The following PAPPA2 variants were observed in gnomAD, a reference collection of about 807,000 sequenced individuals.
PAPPA2 encodes pappalysin 2.
A neutral mutation model predicts 176.4 loss-of-function variants in PAPPA2; 86 were observed. That is an observed-to-expected ratio of 0.49 (90% CI 0.41 to 0.58). PAPPA2 has a LOEUF of 0.58. Ranked by LOEUF, PAPPA2 falls within the 20% of genes least tolerant of loss-of-function variation. The pLI is 0.00. For synonymous variants in PAPPA2, 809 were observed against 852.2 expected (o/e 0.95, Z 0.88); for missense variants, 2,073 against 2,256.9 (o/e 0.92, Z 1.65).
rs1657612187 is a variant in PAPPA2 at position 176,649,786 on chromosome 1, G to A, written c.1992-21184G>A. ...GATACTTGACATGATTTTGAGTTTT[G>A]AAATTTTTTTGATACTTGTTTCATG... is the stretch of plus-strand genomic sequence containing the variant. On this transcript the variant is annotated intron_variant, in intron 3 of 22. Coordinates refer to ENST00000367662, the MANE Select transcript of PAPPA2 (RefSeq NM_020318.3). Among the ~76,000 whole-genome samples, 3 of 151,486 alleles carry A rather than the reference G, an allele frequency of 2.0e-5. No homozygotes were observed. The South Asian group carries it at 6.2e-4, about 32-fold the overall frequency.
intron 1 of PAPPA2, among the ~76,000 whole-genome samples, chr1:176,472,059 T>C (rs1011818170): frequency 2.0e-5 from 3 of 152,232 alleles, no homozygotes; most frequent in African/African-American, 7.2e-5. Flanking sequence ...ATTAATTTAT[T>C]GTGGGCTGCA....
At chr1:176,750,885 A>T (rs1558560885) in intron 14 of PAPPA2, among the ~76,000 whole-genome samples, 1 of 152,178 alleles carries the variant, frequency 6.6e-6, no homozygotes, top group Non-Finnish European at 1.5e-5. Context: ...AAATCCTTGA[A>T]CTGAGAATTT....
intron 21 of PAPPA2, among the ~76,000 whole-genome samples, chr1:176,803,071 A>G (rs1665750206): frequency 6.6e-6 from 1 of 152,140 alleles, no homozygotes; most frequent in African/African-American, 2.4e-5. Context: ...GGCCTTTGAG[A>G]CCTGAATACT....
intron 1 of PAPPA2, among the ~76,000 whole-genome samples, chr1:176,476,954 A>C (rs1652156538): frequency 6.6e-6 from 1 of 152,162 alleles, no homozygotes; most frequent in Non-Finnish European, 1.5e-5. Context: ...TTGGTGAGAC[A>C]CCGGGACCTC....
At chr1:176,643,689 A>G (rs1385987214) in intron 3 of PAPPA2, among the ~76,000 whole-genome samples, 1 of 151,884 alleles carries the variant, frequency 6.6e-6, no homozygotes, top group African/African-American at 2.4e-5. Flanking sequence ...GCTGGAATAG[A>G]ATATCCATGG....
intron 1 of PAPPA2, among the ~76,000 whole-genome samples, chr1:176,478,207 G>A (rs1652228796): frequency 6.6e-6 from 1 of 152,206 alleles, no homozygotes; most frequent in Non-Finnish European, 1.5e-5. Context: ...AGACATTGAG[G>A]AATCTTTGTT....
At position 176,842,319 on chromosome 1, in the gene PAPPA2, G is replaced by A. The variant is rs76137033; in HGVS notation, c.5302-61G>A. ...GACCAAGTGAGGAAAGTGAAAGCTC[G>A]TTTAAAAGTGTGAAGCTATCACAGA... On this transcript the variant is annotated intron_variant, in intron 22 of 22. Coordinates refer to ENST00000367662, the MANE Select transcript of PAPPA2 (RefSeq NM_020318.3). 2.3e-3 allele frequency: 3,427 copies of A among 1,472,390 alleles called. 63 individuals are homozygous for A. In the African/African-American group the frequency reaches 0.04, roughly 17 times the overall value. The allele number at this position is 1,472,390 out of a possible 1,614,324, so 91.2% of individuals were successfully genotyped here.
At position 176,691,234 on chromosome 1, in the gene PAPPA2, A is replaced by G. The variant is rs554212741; in HGVS notation, c.2431+804A>G. 181 of 941,918 alleles carry G rather than the reference A, an allele frequency of 1.9e-4. No individual in the cohort carries two copies. The Middle Eastern group carries it at 2.7e-3, about 14-fold the overall frequency. The allele number at this position is 941,918 out of a possible 1,614,324, so 58.3% of individuals were successfully genotyped here. On this transcript the variant is annotated intron_variant, in intron 5 of 22. Coordinates refer to ENST00000367662, the MANE Select transcript of PAPPA2 (RefSeq NM_020318.3). The stretch of plus-strand genomic sequence containing the variant: ...AATGGTGAAAGAAGATATTTTTTCT[A>G]TAAGTTTTGGGGGCTTGTTTGGTGA...
Position 176,595,518 on chromosome 1 carries a change from C to G in PAPPA2, c.1914C>G (p.Asp638Glu), listed in dbSNP as rs1228051912. 2 of 1,614,084 alleles carry G rather than the reference C, an allele frequency of 1.2e-6. No individual in the cohort carries two copies. The highest frequency in any genetic ancestry group is 3.3e-5 in the Admixed American group (2 of 60,012). ...CHVECNNMLN[D>E]FDDGDCCDPQ... Reference sequence around the variant, plus strand: ...TGGAGTGTAACAACATGCTGAACGACTTTGACGACGGAGACTGCTGCGACC... The same window carrying G: ...TGGAGTGTAACAACATGCTGAACGAGTTTGACGACGGAGACTGCTGCGACC... The change falls in exon 3 of 23, where the codon GAC becomes GAG. Residue 638 changes from aspartate to glutamate, a missense_variant. Asp to Glu is a conservative substitution (Grantham distance 45). Transcript: ENST00000367662.
chr1:176,816,922 C>A lies in PAPPA2; in HGVS notation c.5202+16790C>A, dbSNP rs141346306. On this transcript the variant is annotated intron_variant, in intron 21 of 22. Coordinates refer to ENST00000367662, the MANE Select transcript of PAPPA2 (RefSeq NM_020318.3). ...AAAGATCTCTTCAAGGTGGTTAACT[C>A]CTGAAAGTATAAATTTTAGATAGAG... Among the ~76,000 whole-genome samples the A allele has an allele frequency of 7.7e-3, 1,175 of 152,134 alleles. 4 individuals carry two copies. The highest frequency in any genetic ancestry group is 0.013 in the Non-Finnish European group (913 of 67,998).
intron 4 of PAPPA2, among the ~76,000 whole-genome samples, chr1:176,685,052 G>A (rs964956874): frequency 1.3e-5 from 2 of 151,564 alleles, no homozygotes; most frequent in African/African-American, 2.4e-5. Flanking sequence ...ACTCTGGGAG[G>A]TCTGTCCAAT....
intron 14 of PAPPA2, among the ~76,000 whole-genome samples, chr1:176,759,429 CA>C (rs1337525370): frequency 6.6e-6 from 1 of 152,144 alleles, no homozygotes; most frequent in Non-Finnish European, 1.5e-5. Context: ...CACCGTTCCC[CA>C]CCTCCATCAC....
At chr1:176,541,885 C>T (rs1264814672) in intron 1 of PAPPA2, among the ~76,000 whole-genome samples, 3 of 152,280 alleles carry the variant, frequency 2.0e-5, no homozygotes, top group Non-Finnish European at 2.9e-5. Flanking sequence ...GAATCAGCCT[C>T]GTTTGGAGCT....
At chr1:176,601,226 CA>C (rs1337099582) in intron 3 of PAPPA2, among the ~76,000 whole-genome samples, 2 of 152,166 alleles carry the variant, frequency 1.3e-5, no homozygotes, top group African/African-American at 4.8e-5. Context: ...GATGATGAAG[CA>C]AGAGGACCTT....
At chr1:176,700,126 C>G (rs1462049442) in intron 8 of PAPPA2, among the ~76,000 whole-genome samples, 1 of 152,206 alleles carries the variant, frequency 6.6e-6, no homozygotes, top group African/African-American at 2.4e-5. Flanking sequence ...TTTTATCTTT[C>G]TCTTCCAGCT....
At chr1:176,475,257 G>T (rs1196151802) in intron 1 of PAPPA2, among the ~76,000 whole-genome samples, 1 of 152,160 alleles carries the variant, frequency 6.6e-6, no homozygotes, top group East Asian at 1.9e-4. Flanking sequence ...AGAGTAGGTG[G>T]TCAATAAATA....
chr1:176,615,934 T>C (rs1462324606), intron 3 of PAPPA2, among the ~76,000 whole-genome samples: 1 of 152,218 alleles, frequency 6.6e-6, no homozygotes, highest in Non-Finnish European at 1.5e-5. Flanking sequence ...TTCCTAAATT[T>C]CTTATGTATC....
At chr1:176,748,615 TAC>T (rs1663026179) in intron 14 of PAPPA2, among the ~76,000 whole-genome samples, 2 of 152,226 alleles carry the variant, frequency 1.3e-5, no homozygotes, top group African/African-American at 4.8e-5. Flanking sequence ...AAAATAAAAT[TAC>T]AGTCATGTAC....
At chr1:176,484,206 T>A (rs892073112) in intron 1 of PAPPA2, among the ~76,000 whole-genome samples, 5 of 152,252 alleles carry the variant, frequency 3.3e-5, no homozygotes, top group African/African-American at 1.2e-4. Flanking sequence ...ACATGTCAGA[T>A]GCAGTTTCTA....
Sources: gnomAD v4.1 joint callset for allele counts (sites outside exome capture counted in the v4.1 genomes callset) on GRCh38, gnomAD v4.1.1 for gene constraint, MANE v1.5 for transcripts, NCBI Gene and HGNC (gene_info 2026-07-23, HGNC 2026-07-21) for gene names.